CNKSR3: variants seen among roughly 807,000 people sequenced by gnomAD.
The protein encoded by CNKSR3 is CNKSR family member 3.
A neutral mutation model predicts 67.7 loss-of-function variants in CNKSR3; 36 were observed. The ratio of observed to expected loss-of-function variants is 0.53; its 90% CI spans 0.41 to 0.70. The LOEUF (loss-of-function observed/expected upper bound fraction) is 0.70, where lower values mean the gene tolerates loss of function less well. CNKSR3 is among the 30% of genes least tolerant of loss of function. The probability of loss-of-function intolerance (pLI) is 0.00; values close to 1 mark genes in which losing one functional copy is unlikely to be tolerated. For synonymous variants in CNKSR3, 281 were observed against 271.4 expected (o/e 1.04, Z -0.35); for missense variants, 630 against 695.2 (o/e 0.91, Z 1.05).
chr6:154,436,716 G>A (rs749560301), intron 4 of CNKSR3, among the ~76,000 whole-genome samples: 7 of 151,920 alleles, frequency 4.6e-5, no homozygotes, highest in South Asian at 2.1e-4. Flanking sequence ...CTCTCTTGCC[G>A]TCTCTATTTC....
At chr6:154,456,277 G>A (rs1165865616) in intron 1 of CNKSR3, among the ~76,000 whole-genome samples, 13 of 151,932 alleles carry the variant, frequency 8.6e-5, no homozygotes, top group African/African-American at 2.9e-4. Flanking sequence ...TGGGTTTTGT[G>A]CTTTCAGGTT....
intron 1 of CNKSR3, among the ~76,000 whole-genome samples, chr6:154,499,583 C>T (rs1786942370): frequency 6.6e-6 from 1 of 152,120 alleles, no homozygotes; most frequent in African/African-American, 2.4e-5. Context: ...GGTTTAAACA[C>T]TCATTAAGTT....
intron 2 of CNKSR3, among the ~76,000 whole-genome samples, chr6:154,449,776 C>T (rs1785783956): frequency 1.3e-5 from 2 of 152,128 alleles, no homozygotes; most frequent in African/African-American, 2.4e-5. Flanking sequence ...CATGTGGTCC[C>T]GTTACAACCA....
At chr6:154,476,596 C>T (rs1264696737) in intron 1 of CNKSR3, among the ~76,000 whole-genome samples, 1 of 152,060 alleles carries the variant, frequency 6.6e-6, no homozygotes, top group Non-Finnish European at 1.5e-5. Flanking sequence ...GTGTGTGTTA[C>T]TTGGAGCATC....
In CNKSR3 at chr6:154,415,228, A is replaced by ATTTT. The variant is rs35873703; in HGVS notation, c.946-809_946-806dup. On this transcript the variant is annotated intron_variant, in intron 9 of 12. Transcript: ENST00000607772. The stretch of plus-strand genomic sequence containing the variant: ...TCCTGGCTAGACTTACTAGCTGCCC[A>ATTTT]TTTTTTTTTTTTTTTTTTTTAAGAT... Among the ~76,000 whole-genome samples the ATTTT allele has an allele frequency of 8.5e-5, 10 of 118,116 alleles. 1 individual carries two copies. The highest frequency in any genetic ancestry group is 6.5e-4 in the East Asian group (2 of 3,072). 77.5% of individuals were successfully genotyped at this position (118,116 alleles called of 152,430 possible).
intron 5 of CNKSR3, among the ~76,000 whole-genome samples, chr6:154,432,186 A>G (rs1454404566): frequency 1.3e-5 from 2 of 152,206 alleles, no homozygotes; most frequent in Admixed American, 6.5e-5. Context: ...TCAGTGTTTC[A>G]TATTTTAGCC....
chr6:154,455,031 G>A (rs536632868), intron 1 of CNKSR3, among the ~76,000 whole-genome samples: 211 of 151,898 alleles, frequency 1.4e-3, no homozygotes, highest in African/African-American at 4.8e-3. Context: ...GACTTTGGAC[G>A]GGCACAGTGG....
chr6:154,418,632 C>A (rs539370399), intron 9 of CNKSR3, among the ~76,000 whole-genome samples: 1 of 152,082 alleles, frequency 6.6e-6, no homozygotes, highest in Non-Finnish European at 1.5e-5. Context: ...AAGGAATTAG[C>A]GCCTCTGGAA....
intron 6 of CNKSR3, among the ~76,000 whole-genome samples, chr6:154,428,917 T>C (rs1785308901): frequency 6.6e-6 from 1 of 152,192 alleles, no homozygotes; most frequent in South Asian, 2.1e-4. Context: ...CTATTAAAGC[T>C]ACTAATAATC....
chr6:154,421,107 G>A (rs539148564), intron 9 of CNKSR3, among the ~76,000 whole-genome samples: 57 of 152,262 alleles, frequency 3.7e-4, no homozygotes, highest in African/African-American at 1.3e-3. Flanking sequence ...TCTGCCTCCT[G>A]GGTTCAAGCA....
rs1242036351 is a variant in CNKSR3 at position 154,510,148 on chromosome 6, G to A, written c.-34C>T. ...GCTTCGCCTCTCGCTGGGCTGGAGA[G>A]TCGCAGATAAAGTGCTGCTGCCTGC... is the stretch of plus-strand genomic sequence containing the variant. On this transcript the variant is annotated 5_prime_UTR_variant, in exon 1 of 13. Coordinates refer to ENST00000607772, the MANE Select transcript of CNKSR3 (RefSeq NM_173515.4). 1 of 1,613,506 alleles carries A rather than the reference G, an allele frequency of 6.2e-7. No homozygotes were observed. Among genetic ancestry groups the A allele is most frequent in the Non-Finnish European group, 8.5e-7 (1 of 1,179,676 alleles).
At chr6:154,456,927 G>A (rs1436428712) in intron 1 of CNKSR3, among the ~76,000 whole-genome samples, 1 of 152,020 alleles carries the variant, frequency 6.6e-6, no homozygotes, top group Non-Finnish European at 1.5e-5. Flanking sequence ...GGGTAGGTCA[G>A]CTTATTATTA....
Position 154,466,043 on chromosome 6 carries a change from C to A in CNKSR3, c.53-15785G>T, listed in dbSNP as rs367990837. ...AAGGATGAAACACTTGTGGAATTCA[C>A]AAACTCTCTACCTATATGTTCCAAA... is the stretch of plus-strand genomic sequence containing the variant. On this transcript the variant is annotated intron_variant, in intron 1 of 12. Transcript: ENST00000607772. Among the ~76,000 whole-genome samples the A allele has an allele frequency of 1.5e-3, 232 of 152,326 alleles. 1 individual carries two copies. Among genetic ancestry groups the A allele is most frequent in the Non-Finnish European group, 2.6e-3 (179 of 68,036 alleles).
intron 2 of CNKSR3, among the ~76,000 whole-genome samples, chr6:154,448,433 A>AG (rs1785753611): frequency 1.4e-5 from 1 of 71,624 alleles, no homozygotes; most frequent in Non-Finnish European, 2.8e-5. Context: ...ACACGTTTGT[A>AG]CAAAAAAAAA....
At chr6:154,486,814 A>G (rs1394346304) in intron 1 of CNKSR3, among the ~76,000 whole-genome samples, 1 of 151,950 alleles carries the variant, frequency 6.6e-6, no homozygotes, top group African/African-American at 2.4e-5. Context: ...TTTTTAAAAT[A>G]TTTTTTAATT....
At chr6:154,452,752 T>C (rs1292275133) in intron 1 of CNKSR3, among the ~76,000 whole-genome samples, 3 of 152,226 alleles carry the variant, frequency 2.0e-5, no homozygotes, top group African/African-American at 7.2e-5. Context: ...TCAATCCATA[T>C]GACTCGTGTC....
intron 4 of CNKSR3, chr6:154,433,983 A>C (rs1020013118): frequency 6.5e-6 from 1 of 153,030 alleles, no homozygotes; most frequent in African/African-American, 2.4e-5. Context: ...CAGCCACAAA[A>C]GTTTATTTTA....
chr6:154,509,981 G>A (rs1787181395), intron 1 of CNKSR3, 82 bp downstream of exon 1: 2 of 1,494,204 alleles, frequency 1.3e-6, no homozygotes, highest in African/African-American at 1.4e-5. Flanking sequence ...CGGGAGGAAG[G>A]GCCAAGTACC....
chr6:154,457,995 A>G (rs1785994998), intron 1 of CNKSR3, among the ~76,000 whole-genome samples: 1 of 152,216 alleles, frequency 6.6e-6, no homozygotes, highest in Non-Finnish European at 1.5e-5. Flanking sequence ...AACAGCACCC[A>G]GGCCAAATCC....
Sources: gnomAD v4.1 joint callset for allele counts (sites outside exome capture counted in the v4.1 genomes callset) on GRCh38, gnomAD v4.1.1 for gene constraint, MANE v1.5 for transcripts, NCBI Gene and HGNC (gene_info 2026-07-23, HGNC 2026-07-21) for gene names.